DCAF7: variants seen among roughly 807,000 people sequenced by gnomAD.
DCAF7 encodes the protein DDB1- and CUL4-associated factor 7.
In DCAF7, 4 loss-of-function variants were observed where a neutral mutation model predicts 41.2. The observed-to-expected ratio is 0.10, with a 90% confidence interval of 0.05 to 0.22. DCAF7 has a LOEUF of 0.22. Among genes scored for constraint, DCAF7 ranks in the 10% least tolerant of loss-of-function variants. DCAF7 has a pLI of 1.00. For missense variants in DCAF7, 131 were observed against 443.2 expected, an observed-to-expected ratio of 0.30 and a Z score of 6.32; for synonymous variants, 143 against 164.2, an observed-to-expected ratio of 0.87 and a Z score of 0.99.
rs763376428 is a variant in DCAF7, at chr17:63,579,963, C to G, written c.528+20C>G. The stretch of plus-strand genomic sequence containing the variant: ...AAAGAGGTAAGATGCTTTTCCATTT[C>G]GTCTTTCCTCAAATGCTTCCTGTGC... On this transcript the variant is annotated intron_variant, in intron 4 of 6. Coordinates refer to ENST00000614556, the MANE Select transcript of DCAF7 (RefSeq NM_005828.5). 1 of 1,596,904 alleles carries G rather than the reference C, an allele frequency of 6.3e-7. No individual in the cohort carries two copies. Among genetic ancestry groups the G allele is most frequent in the East Asian group, 2.2e-5 (1 of 44,674 alleles).
chr17:63,550,933 C>T lies in DCAF7; in HGVS notation c.138+118C>T. Reference sequence around the variant, plus strand: ...GCGGACTCGCCCTAGGGCCACGGAGCGGTTCCTCTGTCTGGCCCTGTGCTG... The same window carrying T: ...GCGGACTCGCCCTAGGGCCACGGAGTGGTTCCTCTGTCTGGCCCTGTGCTG... On this transcript the variant is annotated intron_variant, in intron 1 of 6. Coordinates refer to ENST00000614556, the MANE Select transcript of DCAF7 (RefSeq NM_005828.5). The surrounding 1 kb of genome is among the most constrained non-coding windows in gnomAD (Gnocchi z 4.8). 2 of 1,446,068 alleles carry T rather than the reference C, an allele frequency of 1.4e-6. No homozygotes were observed. Among genetic ancestry groups the T allele is most frequent in the Non-Finnish European group, 1.8e-6 (2 of 1,089,534 alleles). 89.6% of individuals were successfully genotyped at this position (1,446,068 alleles called of 1,614,324 possible).
At chr17:63,585,998 A>C (rs2033672619) in intron 6 of DCAF7, among the ~76,000 whole-genome samples, 3 of 151,758 alleles carry the variant, frequency 2.0e-5, no homozygotes, top group Non-Finnish European at 4.4e-5. Context: ...GGTGGCACGC[A>C]CCTGTAGTCC....
intron 1 of DCAF7, among the ~76,000 whole-genome samples, chr17:63,557,868 C>T (rs1230945494): frequency 5.9e-5 from 9 of 152,034 alleles, no homozygotes; most frequent in Admixed American, 5.9e-4. Flanking sequence ...AGGAAAATTT[C>T]TTTTTTAAAA....
intron 6 of DCAF7, among the ~76,000 whole-genome samples, chr17:63,587,160 A>G (rs1280960840): frequency 6.6e-6 from 1 of 152,064 alleles, no homozygotes; most frequent in East Asian, 1.9e-4. Flanking sequence ...CCAAGAAGCA[A>G]TGTACTCTGG....
At chr17:63,556,007 A>G (rs2033307041) in intron 1 of DCAF7, among the ~76,000 whole-genome samples, 1 of 152,224 alleles carries the variant, frequency 6.6e-6, no homozygotes, top group African/African-American at 2.4e-5. Flanking sequence ...AAAGTTTAAT[A>G]GGGCAGGACC....
At chr17:63,562,148 G>A (rs1272201017) in intron 1 of DCAF7, among the ~76,000 whole-genome samples, 1 of 152,034 alleles carries the variant, frequency 6.6e-6, no homozygotes, top group African/African-American at 2.4e-5. Flanking sequence ...ATATTTCAAA[G>A]ACAACTTTAG....
At chr17:63,569,167 A>G (rs1471130677) in intron 1 of DCAF7, among the ~76,000 whole-genome samples, 1 of 152,170 alleles carries the variant, frequency 6.6e-6, no homozygotes. Context: ...TTCCCAGAGG[A>G]TTCTAACATA....
intron 1 of DCAF7, among the ~76,000 whole-genome samples, chr17:63,551,723 C>T (rs1192647120): frequency 6.6e-6 from 1 of 151,764 alleles, no homozygotes; most frequent in East Asian, 1.9e-4. Flanking sequence ...GCCACTACTC[C>T]TGCTTTATGC....
chr17:63,566,800 G>A lies in DCAF7; in HGVS notation c.139-11670G>A, dbSNP rs561595690. Among the ~76,000 whole-genome samples, 27 of 152,268 alleles carry A rather than the reference G, an allele frequency of 1.8e-4. 1 individual carries two copies. Among genetic ancestry groups the A allele is most frequent in the Admixed American group, 8.5e-4 (13 of 15,286 alleles). On this transcript the variant is annotated intron_variant, in intron 1 of 6. Transcript: ENST00000614556. ...TACCTGTGGTCCCAGCTCCTTAAGAGGCTGAAGGATCGCCTGAGCAGGAGG... is the reference window on the plus strand; with the variant it reads ...TACCTGTGGTCCCAGCTCCTTAAGAAGCTGAAGGATCGCCTGAGCAGGAGG...
chr17:63,550,644 T>C lies in DCAF7; in HGVS notation c.-34T>C, dbSNP rs2033238836. 6.2e-7 allele frequency: 1 copy of C among 1,608,928 alleles called. No individual in the cohort carries two copies. The highest frequency in any genetic ancestry group is 1.3e-5 in the African/African-American group (1 of 74,990). ...GCTCCCCGCCCGCCGCAGCCCACTG[T>C]TGACCCGGCCCGTACTGCGGCCCCG... On this transcript the variant is annotated 5_prime_UTR_variant, in exon 1 of 7. Transcript: ENST00000614556. The surrounding 1 kb of genome is among the most constrained non-coding windows in gnomAD (Gnocchi z 4.8).
intron 1 of DCAF7, among the ~76,000 whole-genome samples, chr17:63,566,712 G>C (rs2033446218): frequency 1.3e-5 from 2 of 152,146 alleles, no homozygotes; most frequent in African/African-American, 4.8e-5. Flanking sequence ...TTTGAGCCCA[G>C]GAGTTCGAGG....
chr17:63,570,619 A>G (rs938462449), intron 1 of DCAF7, among the ~76,000 whole-genome samples: 1 of 152,184 alleles, frequency 6.6e-6, no homozygotes, highest in Non-Finnish European at 1.5e-5. Flanking sequence ...GTAAATTGCA[A>G]GGCAAGTCAG....
At chr17:63,559,952 A>G (rs2033363312) in intron 1 of DCAF7, among the ~76,000 whole-genome samples, 1 of 152,238 alleles carries the variant, frequency 6.6e-6, no homozygotes, top group South Asian at 2.1e-4. Flanking sequence ...ACCAAAGTCA[A>G]AAGATAAGTG....
intron 6 of DCAF7, among the ~76,000 whole-genome samples, chr17:63,587,952 C>T (rs1429671146): frequency 7.0e-6 from 1 of 142,732 alleles, no homozygotes; most frequent in African/African-American, 2.6e-5. Flanking sequence ...CACCATTGCA[C>T]TCAAGCCTGG....
intron 5 of DCAF7, among the ~76,000 whole-genome samples, chr17:63,584,087 G>T (rs145094397): frequency 6.6e-6 from 1 of 152,222 alleles, no homozygotes; most frequent in African/African-American, 2.4e-5. Flanking sequence ...AAACCAAATC[G>T]TATGTGCCTA....
chr17:63,579,351 G>C lies in DCAF7; in HGVS notation c.312G>C (p.Glu104Asp). ...TGTTCCTTCAGGTTGGTGAAACAGA[G>C]ACCAGGCTGGAGTGTTTGCTAAACA... is the stretch of plus-strand genomic sequence containing the variant. The part of the protein sequence containing the change: ...YLRVWRVGET[E>D]TRLECLLNNN... Residue 104 changes from glutamate (E) to aspartate (D), a missense_variant, in exon 3 of 7, where the codon GAG becomes GAC. Physicochemically the swap from Glu to Asp is conservative, Grantham distance 45. Transcript: ENST00000614556. The C allele has an allele frequency of 4.4e-6, 7 of 1,602,688 alleles. No individual in the cohort carries two copies. The highest frequency in any genetic ancestry group is 6.0e-6 in the Non-Finnish European group (7 of 1,174,056).
At chr17:63,571,087 G>A (rs2147769279) in intron 1 of DCAF7, among the ~76,000 whole-genome samples, 1 of 152,188 alleles carries the variant, frequency 6.6e-6, no homozygotes, top group South Asian at 2.1e-4. Flanking sequence ...TCAGGAGGCT[G>A]AGGCAAGAGA....
chr17:63,551,312 C>CCA (rs1397728347), intron 1 of DCAF7, among the ~76,000 whole-genome samples: 2 of 148,108 alleles, frequency 1.4e-5, no homozygotes, highest in Non-Finnish European at 3.0e-5. Flanking sequence ...CTCCCACCCC[C>CCA]CCCGGGTACT....
chr17:63,573,685 G>T (rs2033531186), intron 1 of DCAF7, among the ~76,000 whole-genome samples: 1 of 151,404 alleles, frequency 6.6e-6, no homozygotes, highest in Non-Finnish European at 1.5e-5. Context: ...AACCAAGATT[G>T]CGCCATTGCA....
Sources: allele counts gnomAD v4.1 joint callset (sites outside exome capture counted in the v4.1 genomes callset), GRCh38; gene constraint gnomAD v4.1.1; non-coding constraint Gnocchi (gnomAD v3.1); transcripts MANE v1.5; gene names NCBI Gene and HGNC (gene_info 2026-07-23, HGNC 2026-07-21).